MICU1: variants seen among roughly 807,000 people sequenced by gnomAD.
MICU1 encodes the protein mitochondrial calcium uptake 1.
In MICU1, 45 loss-of-function variants were observed where a neutral mutation model predicts 56.8. That is an observed-to-expected ratio of 0.79 (90% CI 0.62 to 1.02). The LOEUF (loss-of-function observed/expected upper bound fraction) is 1.02. Ranked by LOEUF, MICU1 falls within the 50% of genes least tolerant of loss-of-function variation. The probability of loss-of-function intolerance (pLI) is 0.00; values close to 1 mark genes in which losing one functional copy is unlikely to be tolerated. For synonymous variants in MICU1, 186 were observed against 195.1 expected (o/e 0.95, Z 0.39); for missense variants, 504 against 587.1 (o/e 0.86, Z 1.46).
At chr10:72,388,153 T>G (rs1209510924) in intron 10 of MICU1, among the ~76,000 whole-genome samples, 1 of 152,204 alleles carries the variant, frequency 6.6e-6, no homozygotes, top group East Asian at 1.9e-4. Context: ...TAGTTAACGC[T>G]CAATAAATGC....
intron 5 of MICU1, among the ~76,000 whole-genome samples, chr10:72,520,394 G>A (rs1867781580): frequency 6.6e-6 from 1 of 152,038 alleles, no homozygotes; most frequent in Non-Finnish European, 1.5e-5. Context: ...TTGCAGAAGG[G>A]TAGAATTTGG....
At chr10:72,382,788 A>AT (rs960561850) in intron 10 of MICU1, among the ~76,000 whole-genome samples, 11 of 152,180 alleles carry the variant, frequency 7.2e-5, no homozygotes. Context: ...ACATGCCTGT[A>AT]ATCCCAGCTA....
At position 72,532,244 on chromosome 10, in the gene MICU1, G is replaced by A. The variant is rs185988565; in HGVS notation, c.537+1502C>T. Among the ~76,000 whole-genome samples the A allele has an allele frequency of 4.6e-5, 7 of 151,958 alleles. No individual in the cohort carries two copies. In the East Asian group the frequency reaches 1.4e-3, roughly 30 times the overall value. ...GAGGCAGGAGAATGGTGCAAACCCG[G>A]GAGGTGGAGCTTGCAGTGAGCCGAG... On this transcript the variant is annotated intron_variant, in intron 5 of 11. Coordinates refer to ENST00000361114, the MANE Select transcript of MICU1 (RefSeq NM_001195518.2).
intron 5 of MICU1, among the ~76,000 whole-genome samples, chr10:72,515,884 T>C (rs1471613801): frequency 6.6e-6 from 1 of 152,182 alleles, no homozygotes; most frequent in Admixed American, 6.5e-5. Context: ...TAGATGAGTT[T>C]TGCCTGTTCT....
chr10:72,595,328 C>T (rs983812708), intron 1 of MICU1, among the ~76,000 whole-genome samples: 2 of 151,058 alleles, frequency 1.3e-5, no homozygotes, highest in African/African-American at 4.9e-5. Context: ...GGCACATGCC[C>T]GAAGTCCCAG....
chr10:72,431,143 T>TCTA (rs80325338), intron 8 of MICU1, among the ~76,000 whole-genome samples: 4 of 150,262 alleles, frequency 2.7e-5, no homozygotes, highest in East Asian at 2.0e-4. Flanking sequence ...TATCTATCTA[T>TCTA]TTTCTGAGAT....
chr10:72,447,847 C>A (rs1256799929), intron 8 of MICU1, among the ~76,000 whole-genome samples: 1 of 152,020 alleles, frequency 6.6e-6, no homozygotes, highest in Non-Finnish European at 1.5e-5. Context: ...TCTGCTTTTA[C>A]CTGGATGAAC....
intron 5 of MICU1, among the ~76,000 whole-genome samples, chr10:72,529,294 AG>A (rs1839409821): frequency 6.6e-6 from 1 of 152,188 alleles, no homozygotes; most frequent in South Asian, 2.1e-4. Context: ...TGAAACGTTC[AG>A]GGAGAGGTTG....
chr10:72,387,407 C>T (rs1334882014), intron 10 of MICU1, among the ~76,000 whole-genome samples: 8 of 152,102 alleles, frequency 5.3e-5, no homozygotes, highest in East Asian at 1.9e-4. Context: ...ATAACATAAA[C>T]GAACATCTGT....
intron 8 of MICU1, among the ~76,000 whole-genome samples, chr10:72,437,405 T>C (rs1589219132): frequency 1.3e-5 from 2 of 152,064 alleles, no homozygotes. Flanking sequence ...GCACTCAACA[T>C]AGAAAGGAAC....
At chr10:72,510,879 A>G (rs1867425229) in intron 5 of MICU1, among the ~76,000 whole-genome samples, 1 of 152,148 alleles carries the variant, frequency 6.6e-6, no homozygotes, top group Non-Finnish European at 1.5e-5. Context: ...TAATCCACCC[A>G]CCTTGGCCTC....
chr10:72,605,798 C>T (rs1157650906), intron 1 of MICU1, among the ~76,000 whole-genome samples: 1 of 152,126 alleles, frequency 6.6e-6, no homozygotes, highest in Non-Finnish European at 1.5e-5. Flanking sequence ...GGAACCAATC[C>T]TCACAGATAT....
At chr10:72,543,765 G>A (rs891346402) in intron 4 of MICU1, among the ~76,000 whole-genome samples, 4 of 151,874 alleles carry the variant, frequency 2.6e-5, no homozygotes, top group African/African-American at 9.7e-5. Flanking sequence ...CAAGAGAATG[G>A]CATGAACCCG....
chr10:72,496,326 G>C (rs1284947541), intron 6 of MICU1, among the ~76,000 whole-genome samples: 2 of 142,068 alleles, frequency 1.4e-5, no homozygotes, highest in East Asian at 2.0e-4. Flanking sequence ...TTCCGAGACA[G>C]AGTCTTGTTC....
rs56262647 is a variant in MICU1 at position 72,456,849 on chromosome 10, TTGTGTGTGTGTG to T, written c.933+18239_933+18250del. Among the ~76,000 whole-genome samples, 586 of 134,642 alleles carry T rather than the reference TTGTGTGTGTGTG, an allele frequency of 4.4e-3. 11 individuals are homozygous for T. Among genetic ancestry groups the T allele is most frequent in the African/African-American group, 0.012 (433 of 36,216 alleles). The allele number at this position is 134,642 out of a possible 152,430, so 88.3% of individuals were successfully genotyped here. On this transcript the variant is annotated intron_variant, in intron 8 of 11. Coordinates refer to ENST00000361114, the MANE Select transcript of MICU1 (RefSeq NM_001195518.2). The stretch of plus-strand genomic sequence containing the variant: ...GATGCACCACCATGCCGGGCTCATT[TTGTGTGTGTGTG>T]TGTGTGTGTGTGTGTGTGTGTGTGT...
At chr10:72,575,763 C>A (rs1283824492) in intron 1 of MICU1, among the ~76,000 whole-genome samples, 1 of 152,174 alleles carries the variant, frequency 6.6e-6, no homozygotes, top group Non-Finnish European at 1.5e-5. Context: ...GCTTCACTCA[C>A]CCGTCATTTC....
intron 10 of MICU1, among the ~76,000 whole-genome samples, chr10:72,385,397 G>A (rs908221734): frequency 2.6e-5 from 4 of 152,040 alleles, no homozygotes; most frequent in African/African-American, 9.7e-5. Context: ...GGCTGAGACA[G>A]GAGAATCACT....
At chr10:72,430,467 AAAAC>A (rs1864489334) in intron 8 of MICU1, among the ~76,000 whole-genome samples, 1 of 152,226 alleles carries the variant, frequency 6.6e-6, no homozygotes, top group Admixed American at 6.5e-5. Flanking sequence ...GAAGCATAAT[AAAAC>A]AAACACCACG....
chr10:72,457,832 A>C (rs1865519983), intron 8 of MICU1, among the ~76,000 whole-genome samples: 1 of 152,114 alleles, frequency 6.6e-6, no homozygotes, highest in Admixed American at 6.5e-5. Flanking sequence ...AAAATTTCTC[A>C]GTTTGCTGTT....
Sources: gnomAD v4.1 joint callset for allele counts (sites outside exome capture counted in the v4.1 genomes callset) on GRCh38, gnomAD v4.1.1 for gene constraint, MANE v1.5 for transcripts, NCBI Gene and HGNC (gene_info 2026-07-23, HGNC 2026-07-21) for gene names.